Variants in ATP8A1 observed in about 807,000 individuals in gnomAD.
ATP8A1 encodes the protein ATPase phospholipid transporting 8A1.
ATP8A1 carries 90 observed loss-of-function variants against 177.7 expected under a neutral mutation model. That is an observed-to-expected ratio of 0.51 (90% confidence interval 0.43 to 0.60). The LOEUF (loss-of-function observed/expected upper bound fraction) is 0.60. Ranked by LOEUF, ATP8A1 falls within the 20% of genes least tolerant of loss-of-function variation. The probability of loss-of-function intolerance (pLI) is 0.00; values close to 1 mark genes in which losing one functional copy is unlikely to be tolerated. For synonymous variants in ATP8A1, 493 were observed against 485.9 expected (o/e 1.01, Z -0.19); for missense variants, 1,072 against 1,392.8 (o/e 0.77, Z 3.67).
At chr4:42,486,524 CTACTT>C (rs1220081762) in intron 24 of ATP8A1, among the ~76,000 whole-genome samples, 1 of 152,172 alleles carries the variant, frequency 6.6e-6, no homozygotes, top group East Asian at 1.9e-4. Flanking sequence ...AGAGGAACCT[CTACTT>C]TACTTTTTAC....
At position 42,522,236 on chromosome 4, in the gene ATP8A1, G is replaced by A. The variant is rs764002108; in HGVS notation, c.1871C>T (p.Ala624Val). The A allele has an allele frequency of 6.2e-7, 1 of 1,613,662 alleles. No individual in the cohort carries two copies. Among genetic ancestry groups the A allele is most frequent in the Non-Finnish European group, 8.5e-7 (1 of 1,179,878 alleles). The change falls in exon 22 of 37, where the codon GCA becomes GTA. Residue 624 changes from alanine to valine, a missense_variant. Around this residue, in one of 5 missense-constraint regions of ATP8A1, gnomAD observed 388 missense variants for 471.7 expected, o/e 0.82. Transcript: ENST00000381668. Reference sequence around the variant, plus strand: ...AGATGTAGATGCTCGCTGATAGACTGCTCGCCACTCCTGAAAGTCGCTCTC... The same window carrying A: ...AGATGTAGATGCTCGCTGATAGACTACTCGCCACTCCTGAAAGTCGCTCTC... ...ISESDFQEWR[A>V]VYQRASTSVQ...
intron 25 of ATP8A1, among the ~76,000 whole-genome samples, chr4:42,478,946 G>C (rs1042100457): frequency 6.6e-6 from 1 of 152,192 alleles, no homozygotes; most frequent in African/African-American, 2.4e-5. Context: ...AGCCAGTGAG[G>C]AGAGATGAGG....
chr4:42,471,596 C>T (rs775365427), intron 25 of ATP8A1, among the ~76,000 whole-genome samples: 1 of 152,116 alleles, frequency 6.6e-6, no homozygotes, highest in African/African-American at 2.4e-5. Context: ...AGCAAATAGA[C>T]CTATGAAAGG....
intron 1 of ATP8A1, among the ~76,000 whole-genome samples, chr4:42,652,907 A>G (rs1316192517): frequency 6.9e-6 from 1 of 145,044 alleles, no homozygotes; most frequent in East Asian, 1.9e-4. Context: ...AGAGCGGACT[A>G]ACACAATGAC....
In ATP8A1 at chr4:42,528,478, C is replaced by G. The variant is rs551682021; in HGVS notation, c.1723-3631G>C. 3.3e-5 allele frequency among the ~76,000 whole-genome samples: 5 copies of G among 152,230 alleles called. No individual in the cohort carries two copies. The South Asian group carries it at 8.3e-4, about 25-fold the overall frequency. ...AAGACACATGGATCTTGGGGAATGA[C>G]AGTGGATTATCAGAAGTTTAACCAA... On this transcript the variant is annotated intron_variant, in intron 20 of 36. Transcript: ENST00000381668.
intron 15 of ATP8A1, among the ~76,000 whole-genome samples, chr4:42,562,750 T>C (rs1730969728): frequency 3.9e-5 from 6 of 152,134 alleles, no homozygotes; most frequent in Admixed American, 3.9e-4. Context: ...CTCGTGACAG[T>C]GAATATATTT....
intron 1 of ATP8A1, among the ~76,000 whole-genome samples, chr4:42,633,283 C>T (rs1482287377): frequency 6.6e-6 from 1 of 152,188 alleles, no homozygotes; most frequent in Admixed American, 6.5e-5. Flanking sequence ...TATATGCACA[C>T]AGTACAATGT....
Position 42,590,890 on chromosome 4 carries a change from C to T in ATP8A1, c.451-6G>A, listed in dbSNP as rs201326642. The T allele has an allele frequency of 9.5e-5, 153 of 1,603,494 alleles. No individual in the cohort carries two copies. The highest frequency in any genetic ancestry group is 8.3e-4 in the Middle Eastern group (5 of 6,038). On this transcript the variant is annotated splice_polypyrimidine_tract_variant and splice_region_variant and intron_variant, in intron 6 of 36. Coordinates refer to ENST00000381668, the MANE Select transcript of ATP8A1 (RefSeq NM_006095.2). ...ACTATCTCCCCTACTGCCACCTACACGTCCCAGTATAAAATAATTAAAATG... is the reference window on the plus strand; with the variant it reads ...ACTATCTCCCCTACTGCCACCTACATGTCCCAGTATAAAATAATTAAAATG...
intron 14 of ATP8A1, among the ~76,000 whole-genome samples, chr4:42,573,091 A>C (rs1055992796): frequency 6.6e-6 from 1 of 152,168 alleles, no homozygotes; most frequent in African/African-American, 2.4e-5. Context: ...AATAAGAAAA[A>C]ACCTGATAAA....
intron 24 of ATP8A1, among the ~76,000 whole-genome samples, chr4:42,498,964 A>G (rs1270499989): frequency 2.6e-5 from 4 of 152,206 alleles, no homozygotes; most frequent in Non-Finnish European, 5.9e-5. Context: ...GCATACTAGT[A>G]TCTACTTATA....
chr4:42,573,032 A>G (rs183533742), intron 14 of ATP8A1, among the ~76,000 whole-genome samples: 1 of 152,332 alleles, frequency 6.6e-6, no homozygotes, highest in Non-Finnish European at 1.5e-5. Flanking sequence ...ACAGATGGGC[A>G]CTGCTCTTTA....
intron 30 of ATP8A1, 148 bp downstream of exon 30, chr4:42,451,833 G>T: frequency 2.0e-6 from 1 of 499,730 alleles, no homozygotes. Context: ...AATCTTCAAA[G>T]TGTGTACAAT....
chr4:42,436,115 T>TA (rs1715966907), intron 33 of ATP8A1, among the ~76,000 whole-genome samples: 1 of 152,156 alleles, frequency 6.6e-6, no homozygotes, highest in Non-Finnish European at 1.5e-5. Flanking sequence ...GCTGAATAGT[T>TA]AAAGCTGTGC....
chr4:42,630,894 A>C (rs183049143), intron 1 of ATP8A1, among the ~76,000 whole-genome samples: 2 of 152,358 alleles, frequency 1.3e-5, no homozygotes, highest in African/African-American at 4.8e-5. Context: ...GTCAAAGAGA[A>C]GTATTCTGTG....
At chr4:42,587,423 T>A (rs1179003136) in intron 8 of ATP8A1, among the ~76,000 whole-genome samples, 1 of 151,634 alleles carries the variant, frequency 6.6e-6, no homozygotes, top group African/African-American at 2.4e-5. Context: ...TTCTCCTGCC[T>A]TGGCCTCCTG....
At position 42,549,091 on chromosome 4, in the gene ATP8A1, T is replaced by C. The variant is rs370153177; in HGVS notation, c.1603-29A>G. On this transcript the variant is annotated intron_variant, in intron 18 of 36. Transcript: ENST00000381668. The stretch of plus-strand genomic sequence containing the variant: ...AGAAGAAAAGGAATATATAATTACA[T>C]ACAGTTGGAAAAGTCTTAAGCTTCT... The C allele has an allele frequency of 1.9e-5, 29 of 1,558,626 alleles. No individual in the cohort carries two copies. In the African/African-American group the frequency reaches 2.7e-4, roughly 15 times the overall value.
At chr4:42,490,331 GCCA>G (rs1272514598) in intron 24 of ATP8A1, among the ~76,000 whole-genome samples, 1 of 152,146 alleles carries the variant, frequency 6.6e-6, no homozygotes, top group Non-Finnish European at 1.5e-5. Flanking sequence ...AAAGGAAAAA[GCCA>G]CCTCACTGCG....
intron 35 of ATP8A1, chr4:42,415,050 A>G (rs1415681603): frequency 4.9e-6 from 1 of 202,094 alleles, no homozygotes; most frequent in Non-Finnish European, 1.0e-5. Context: ...AAAAAATACA[A>G]AACAACAGTA....
chr4:42,424,394 C>T (rs1223218903), intron 33 of ATP8A1, among the ~76,000 whole-genome samples: 1 of 151,862 alleles, frequency 6.6e-6, no homozygotes, highest in African/African-American at 2.4e-5. Flanking sequence ...TAGTATTATA[C>T]AATAAAAGCA....
Sources: gnomAD v4.1 joint callset for allele counts (sites outside exome capture counted in the v4.1 genomes callset) on GRCh38, gnomAD v4.1.1 for gene constraint, gnomAD v4.1.1 regional missense constraint, MANE v1.5 for transcripts, NCBI Gene and HGNC (gene_info 2026-07-23, HGNC 2026-07-21) for gene names.